Variants in TSGA10 observed in about 807,000 individuals in gnomAD.
TSGA10 encodes the protein testis-specific gene 10 protein.
TSGA10 carries 43 observed loss-of-function variants against 96.6 expected under a neutral mutation model. The ratio of observed to expected loss-of-function variants is 0.44; its 90% CI spans 0.35 to 0.57. The LOEUF is 0.57. Ranked by LOEUF, TSGA10 falls within the 20% of genes least tolerant of loss-of-function variation. The pLI is 0.01. For missense variants in TSGA10, 703 were observed against 834.4 expected (o/e 0.84, Z 1.94); for synonymous variants, 229 against 269.9 (o/e 0.85, Z 1.48).
At chr2:99,103,332 T>C (rs2090986271) in intron 10 of TSGA10, among the ~76,000 whole-genome samples, 1 of 152,200 alleles carries the variant, frequency 6.6e-6, no homozygotes, top group Non-Finnish European at 1.5e-5. Flanking sequence ...TCAACCTTAC[T>C]GAATCTGTAG....
chr2:99,149,045 C>T (rs1384852369), intron 1 of TSGA10, among the ~76,000 whole-genome samples: 1 of 151,902 alleles, frequency 6.6e-6, no homozygotes, highest in Non-Finnish European at 1.5e-5. Context: ...GTGGCGGGCA[C>T]CTGTAATCCC....
intron 16 of TSGA10, 142 bp from the exon 17 acceptor site, chr2:99,035,581 A>G (rs1195452038): frequency 7.8e-6 from 4 of 515,432 alleles, no homozygotes; most frequent in Non-Finnish European, 1.3e-5. Context: ...GGTGGTAACA[A>G]TATGTACAAA....
chr2:99,109,892 T>G (rs887696903), intron 5 of TSGA10, among the ~76,000 whole-genome samples: 7 of 152,092 alleles, frequency 4.6e-5, no homozygotes, highest in Admixed American at 3.9e-4. Context: ...AGGCTGGGCA[T>G]GGTGGCTCAT....
chr2:99,080,741 T>A (rs1302380213), intron 11 of TSGA10, among the ~76,000 whole-genome samples: 1 of 152,168 alleles, frequency 6.6e-6, no homozygotes, highest in Non-Finnish European at 1.5e-5. Flanking sequence ...TCTATAGCCC[T>A]GACCAAAATT....
At chr2:99,124,200 G>A (rs773021115) in intron 2 of TSGA10, among the ~76,000 whole-genome samples, 7 of 152,106 alleles carry the variant, frequency 4.6e-5, no homozygotes, top group Non-Finnish European at 7.4e-5. Context: ...GTTTTGATTT[G>A]CATTTCTTTA....
At chr2:99,005,367 A>T (rs888757708) in intron 20 of TSGA10, among the ~76,000 whole-genome samples, 37 of 152,140 alleles carry the variant, frequency 2.4e-4, no homozygotes, top group Admixed American at 1.0e-3. Context: ...TGTTTGCAGA[A>T]GACATGATTG....
rs191881079 is a variant in TSGA10 at position 99,040,337 on chromosome 2, C to T, written c.1405-4898G>A. 6.6e-3 allele frequency among the ~76,000 whole-genome samples: 1,006 copies of T among 152,140 alleles called. 7 individuals carry two copies. Among genetic ancestry groups the T allele is most frequent in the South Asian group, 0.012 (60 of 4,824 alleles). On this transcript the variant is annotated intron_variant, in intron 16 of 20. Coordinates refer to ENST00000393483, the MANE Select transcript of TSGA10 (RefSeq NM_025244.4). ...AAAGAGGAAGTCAATTGTCACTGTTCGCCAATTATAGGATCATATACCTAG... is the reference window on the plus strand; with the variant it reads ...AAAGAGGAAGTCAATTGTCACTGTTTGCCAATTATAGGATCATATACCTAG...
rs372167416 is a variant in TSGA10, at chr2:99,127,128, C to T, written c.-572G>A. The T allele has an allele frequency of 7.8e-6, 10 of 1,289,454 alleles. No individual in the cohort carries two copies. The highest frequency in any genetic ancestry group is 4.9e-5 in the South Asian group (4 of 80,928). 79.9% of individuals were successfully genotyped at this position (1,289,454 alleles called of 1,614,324 possible). ...TGGAGAGTATTCTGGTAGTTTTCAG[C>T]TTCAGAAACTGGAGCCCCTAGACCA... On this transcript the variant is annotated 5_prime_UTR_variant, in exon 2 of 21. Coordinates refer to ENST00000393483, the MANE Select transcript of TSGA10 (RefSeq NM_025244.4).
intron 1 of TSGA10, chr2:99,151,630 A>G (rs545326336): frequency 3.0e-4 from 45 of 152,320 alleles, no homozygotes; most frequent in African/African-American, 1.0e-3. Context: ...CACTGCCAAT[A>G]AACTGCAAAA....
intron 1 of TSGA10, among the ~76,000 whole-genome samples, chr2:99,136,035 A>AGAGTTGCGT (rs1268415697): frequency 7.6e-6 from 1 of 131,672 alleles, no homozygotes; most frequent in Non-Finnish European, 1.7e-5. Flanking sequence ...TCTGCATCAT[A>AGAGTTGCGT]GAGTTGCGTG....
chr2:99,004,623 C>A (rs1490191876), intron 20 of TSGA10, among the ~76,000 whole-genome samples: 1 of 152,106 alleles, frequency 6.6e-6, no homozygotes, highest in East Asian at 1.9e-4. Context: ...AGACCAATAA[C>A]AGGCTCTGAA....
At chr2:99,146,180 G>A (rs1284749168) in intron 1 of TSGA10, among the ~76,000 whole-genome samples, 1 of 152,192 alleles carries the variant, frequency 6.6e-6, no homozygotes, top group Non-Finnish European at 1.5e-5. Context: ...CTACTCGGGA[G>A]GCCTCAGCAG....
At chr2:99,152,444 C>G (rs75560285) in intron 1 of TSGA10, among the ~76,000 whole-genome samples, 4,457 of 152,254 alleles carry the variant, frequency 0.029, 102 homozygotes, top group Non-Finnish European at 0.043. Flanking sequence ...TGCCACCATA[C>G]CCAGCATGTT....
intron 10 of TSGA10, chr2:99,102,745 A>G: frequency 1.1e-5 from 18 of 1,605,650 alleles, no homozygotes; most frequent in East Asian, 2.2e-5. Context: ...GATACCACAC[A>G]TGGTTAATTG....
chr2:99,061,611 C>T (rs1178477527), intron 16 of TSGA10, among the ~76,000 whole-genome samples: 1 of 152,018 alleles, frequency 6.6e-6, no homozygotes, highest in Non-Finnish European at 1.5e-5. Flanking sequence ...AGCATACTTA[C>T]CATATAATCC....
At chr2:99,013,476 G>C (rs2079186749) in intron 20 of TSGA10, among the ~76,000 whole-genome samples, 2 of 151,868 alleles carry the variant, frequency 1.3e-5, no homozygotes, top group South Asian at 4.2e-4. Flanking sequence ...GGGACTACAG[G>C]TGCCTGCCAC....
At chr2:99,070,242 A>C (rs946466774) in intron 14 of TSGA10, among the ~76,000 whole-genome samples, 12 of 152,174 alleles carry the variant, frequency 7.9e-5, no homozygotes, top group Middle Eastern at 3.2e-3. Flanking sequence ...TATACTGGAC[A>C]GTACAGTAAG....
chr2:99,040,769 C>T (rs540238366), intron 16 of TSGA10, among the ~76,000 whole-genome samples: 1 of 151,042 alleles, frequency 6.6e-6, no homozygotes, highest in Non-Finnish European at 1.5e-5. Flanking sequence ...AAAAAAAAAA[C>T]CTAAACATCC....
intron 17 of TSGA10, among the ~76,000 whole-genome samples, chr2:99,023,212 C>T (rs1558755627): frequency 6.6e-6 from 1 of 152,092 alleles, no homozygotes; most frequent in Non-Finnish European, 1.5e-5. Flanking sequence ...GTTGCCCAGG[C>T]TGGTCTTAAA....
Sources: allele counts gnomAD v4.1 joint callset (sites outside exome capture counted in the v4.1 genomes callset), GRCh38; gene constraint gnomAD v4.1.1; transcripts MANE v1.5; gene names NCBI Gene and HGNC (gene_info 2026-07-23, HGNC 2026-07-21).